SCUBE2: variants seen among roughly 807,000 people sequenced by gnomAD.
The protein encoded by SCUBE2 is signal peptide, CUB and EGF-like domain-containing protein 2.
In SCUBE2, 114 loss-of-function variants were observed where a neutral mutation model predicts 125.9. That is an observed-to-expected ratio of 0.91 (90% CI 0.78 to 1.06). The LOEUF (loss-of-function observed/expected upper bound fraction) is 1.06, where lower values mean the gene tolerates loss of function less well. Ranked by LOEUF, SCUBE2 falls within the 50% of genes least tolerant of loss-of-function variation. The probability of loss-of-function intolerance (pLI) is 0.00; values close to 1 mark genes in which losing one functional copy is unlikely to be tolerated. For synonymous variants in SCUBE2, 459 were observed against 492.9 expected, an observed-to-expected ratio of 0.93 and a Z score of 0.91; for missense variants, 1,255 against 1,301.8, an observed-to-expected ratio of 0.96 and a Z score of 0.55.
intron 2 of SCUBE2, 109 bp from the exon 3 acceptor site, chr11:9,079,618 C>A: frequency 8.7e-7 from 1 of 1,155,960 alleles, no homozygotes; most frequent in Non-Finnish European, 1.2e-6. Flanking sequence ...GAAAATACAT[C>A]CCTAACAATA....
chr11:9,045,551 C>T lies in SCUBE2; in HGVS notation c.2002+1805G>A, dbSNP rs1857615442. ...CAGAGCTCAGAAAACATCAGCAAGC[C>T]TGGTCTTTATGAAGTCCTAACACCA... On this transcript the variant is annotated intron_variant, in intron 16 of 22. Coordinates refer to ENST00000649792, the MANE Select transcript of SCUBE2 (RefSeq NM_001367977.2). Among the ~76,000 whole-genome samples, 7 of 151,378 alleles carry T rather than the reference C, an allele frequency of 4.6e-5. No individual in the cohort carries two copies. In the South Asian group the frequency reaches 1.5e-3, roughly 32 times the overall value.
chr11:9,052,551 CAGTA>C (rs1470613079), intron 13 of SCUBE2, among the ~76,000 whole-genome samples, 191 bp downstream of exon 13: 2 of 152,202 alleles, frequency 1.3e-5, no homozygotes, highest in Non-Finnish European at 2.9e-5. Flanking sequence ...AGTGGCCACA[CAGTA>C]AGTATCTGTT....
intron 12 of SCUBE2, 77 bp from the exon 13 acceptor site, chr11:9,052,909 C>G: frequency 2.5e-6 from 3 of 1,195,954 alleles, no homozygotes; most frequent in Non-Finnish European, 2.4e-6. Context: ...ACTGTCCCCC[C>G]ACCCCACTCC....
chr11:9,060,366 C>G, intron 8 of SCUBE2, 42 bp downstream of exon 8: 1 of 1,490,878 alleles, frequency 6.7e-7, no homozygotes, highest in Non-Finnish European at 9.4e-7. Context: ...GGCCCTCCCT[C>G]CATAACAGGG....
intron 21 of SCUBE2, chr11:9,024,128 G>A (rs1056712100): frequency 4.8e-5 from 41 of 846,776 alleles, no homozygotes; most frequent in Middle Eastern, 5.7e-4. Flanking sequence ...TGCATTATGC[G>A]TAATTTTCCC....
At chr11:9,022,056 G>T in intron 21 of SCUBE2, 101 bp from the exon 22 acceptor site, 3 of 829,772 alleles carry the variant, frequency 3.6e-6, no homozygotes, top group Non-Finnish European at 2.0e-6. Context: ...CCCTTCTGTG[G>T]CTGCTATCAC....
intron 21 of SCUBE2, chr11:9,024,385 G>A (rs1444061170): frequency 1.6e-6 from 2 of 1,288,386 alleles, no homozygotes; most frequent in Non-Finnish European, 2.0e-6. Context: ...TCCTTGTCTT[G>A]GGTGTTTGTT....
chr11:9,071,905 T>C (rs1860831587), intron 4 of SCUBE2, among the ~76,000 whole-genome samples: 1 of 151,988 alleles, frequency 6.6e-6, no homozygotes, highest in South Asian at 2.1e-4. Context: ...TGAGCACCCA[T>C]GAATAGGAAC....
At chr11:9,082,736 GTA>G (rs1401581224) in intron 2 of SCUBE2, among the ~76,000 whole-genome samples, 1 of 152,200 alleles carries the variant, frequency 6.6e-6, no homozygotes, top group African/African-American at 2.4e-5. Context: ...ACCGCATATT[GTA>G]TGATTCCACT....
intron 8 of SCUBE2, chr11:9,059,735 T>C: frequency 3.1e-6 from 1 of 319,514 alleles, no homozygotes; most frequent in South Asian, 6.9e-5. Context: ...TATTGCTCTC[T>C]CAAGGTAAGA....
chr11:9,089,646 C>T (rs184033538), intron 2 of SCUBE2, 61 bp downstream of exon 2: 1 of 1,580,030 alleles, frequency 6.3e-7, no homozygotes, highest in Non-Finnish European at 8.6e-7. Context: ...GTGGCCACTG[C>T]AAGAGCTAAG....
chr11:9,052,900 C>T, intron 12 of SCUBE2, 68 bp from the exon 13 acceptor site: 1 of 1,287,652 alleles, frequency 7.8e-7, no homozygotes, highest in Non-Finnish European at 1.1e-6. Context: ...AGCAGCTAAA[C>T]TGTCCCCCCA....
chr11:9,055,729 G>A, intron 10 of SCUBE2, 64 bp downstream of exon 10: 2 of 1,279,312 alleles, frequency 1.6e-6, no homozygotes, highest in Non-Finnish European at 2.3e-6. Context: ...CTCAGGGGTA[G>A]GCCCTGCTCC....
intron 16 of SCUBE2, among the ~76,000 whole-genome samples, chr11:9,034,703 G>C (rs1315168699): frequency 1.3e-5 from 2 of 152,160 alleles, no homozygotes; most frequent in Non-Finnish European, 2.9e-5. Flanking sequence ...ACAACAGGCT[G>C]TGCGCAGTGG....
Position 9,048,116 on chromosome 11 carries a change from A to G in SCUBE2, c.1640-18T>C, listed in dbSNP as rs1664287860. 1 of 1,594,192 alleles carries G rather than the reference A, an allele frequency of 6.3e-7. No homozygotes were observed. Among genetic ancestry groups the G allele is most frequent in the African/African-American group, 1.4e-5 (1 of 73,806 alleles). ...GTGCTTCTCTGTATGAAGAAACAAA[A>G]TTATCGGAAGCCAAATCCTGGCAAA... On this transcript the variant is annotated intron_variant, in intron 14 of 22. Transcript: ENST00000649792.
At position 9,055,901 on chromosome 11, in the gene SCUBE2, C is replaced by A. The variant is rs761819668; in HGVS notation, c.1099G>T (p.Glu367Ter). The A allele has an allele frequency of 1.9e-6, 3 of 1,613,938 alleles. No individual in the cohort carries two copies. The highest frequency in any genetic ancestry group is 2.5e-6 in the Non-Finnish European group (3 of 1,179,786). The change falls in exon 10 of 23, where the codon GAG becomes TAG. Residue 367 changes from glutamate to a stop codon, truncating the protein, a stop_gained. Coordinates refer to ENST00000649792, the MANE Select transcript of SCUBE2 (RefSeq NM_001367977.2). LOFTEE classifies it high-confidence loss of function. Reference protein sequence around the residue: ...TDEKSCQDVDECSLDRTCDHS... With the variant: ...TDEKSCQDVD ...TCACAGGTCCTATCCAAAGAGCACT[C>A]ATCCACATCTGTAATGGTCAAAGGG...
intron 7 of SCUBE2, 149 bp from the exon 8 acceptor site, chr11:9,060,673 T>TG: frequency 1.6e-6 from 1 of 635,474 alleles, no homozygotes; most frequent in Non-Finnish European, 2.8e-6. Flanking sequence ...GGAGAGCAGG[T>TG]GCAGCTCCTC....
rs373486659 is a variant in SCUBE2, at chr11:9,079,601, T to A, written c.257-92A>T. 2.1e-5 allele frequency: 29 copies of A among 1,351,528 alleles called. No homozygotes were observed. The East Asian group carries it at 3.1e-4, about 14-fold the overall frequency. The allele number at this position is 1,351,528 out of a possible 1,614,324, so 83.7% of individuals were successfully genotyped here. A position where few individuals can be genotyped will look rare whatever the true frequency, so the allele number is the denominator to read the frequency against. On this transcript the variant is annotated intron_variant, in intron 2 of 22. Coordinates refer to ENST00000649792, the MANE Select transcript of SCUBE2 (RefSeq NM_001367977.2). ...CCTCCAGCCATTCCACTTCTAGGAA[T>A]CTACCTGAAAATACATCCCTAACAA...
At chr11:9,023,417 T>C (rs1478823602) in intron 21 of SCUBE2, among the ~76,000 whole-genome samples, 1 of 152,246 alleles carries the variant, frequency 6.6e-6, no homozygotes, top group African/African-American at 2.4e-5. Context: ...CTTTTCATCT[T>C]GAATTCCTCT....
Sources: gnomAD v4.1 joint callset for allele counts (sites outside exome capture counted in the v4.1 genomes callset) on GRCh38, gnomAD v4.1.1 for gene constraint, MANE v1.5 for transcripts, NCBI Gene and HGNC (gene_info 2026-07-23, HGNC 2026-07-21) for gene names.